The following PACRG variants were observed in gnomAD, a reference collection of about 807,000 sequenced individuals.
PACRG encodes the protein parkin coregulated, also known as parkin coregulated gene protein.
Under a neutral mutation model 29.7 loss-of-function variants are expected in PACRG, and 29 were observed. The observed-to-expected ratio is 0.98, with a 90% CI of 0.73 to 1.33. PACRG has a LOEUF of 1.33. Among genes scored for constraint, PACRG ranks in the 40% most tolerant of loss-of-function variants. The probability of loss-of-function intolerance (pLI) is 0.00; values close to 1 mark genes in which losing one functional copy is unlikely to be tolerated. For missense variants in PACRG, 279 were observed against 316.2 expected (o/e 0.88, Z 0.89); for synonymous variants, 116 against 118.7 (o/e 0.98, Z 0.15).
intron 4 of PACRG, among the ~76,000 whole-genome samples, chr6:163,146,131 T>TC (rs1420894538): frequency 1.3e-5 from 2 of 152,184 alleles, no homozygotes; most frequent in African/African-American, 4.8e-5. Context: ...TCATCACTCT[T>TC]CCGTTCTCCC....
chr6:163,099,955 C>A (rs1467413704), intron 4 of PACRG, among the ~76,000 whole-genome samples: 5 of 152,318 alleles, frequency 3.3e-5, no homozygotes, highest in African/African-American at 1.2e-4. Flanking sequence ...TCTCTCCCCG[C>A]CCAGCGCGGA....
intron 2 of PACRG, among the ~76,000 whole-genome samples, chr6:163,022,697 A>G (rs572954409): frequency 6.6e-6 from 1 of 152,254 alleles, no homozygotes; most frequent in Non-Finnish European, 1.5e-5. Context: ...TATGTGGATT[A>G]TTTGCCATTT....
chr6:163,048,296 G>A (rs1220382158), intron 2 of PACRG, among the ~76,000 whole-genome samples: 2 of 152,124 alleles, frequency 1.3e-5, no homozygotes, highest in African/African-American at 2.4e-5. Context: ...CATGAAGTAT[G>A]GGATCTGCTA....
At chr6:162,854,706 A>T (rs964978755) in intron 2 of PACRG, among the ~76,000 whole-genome samples, 46 of 152,318 alleles carry the variant, frequency 3.0e-4, no homozygotes, top group Non-Finnish European at 6.2e-4. Context: ...ACGGCTAGTT[A>T]TAAACCTTTC....
intron 2 of PACRG, among the ~76,000 whole-genome samples, chr6:163,035,812 C>CAAAAAAAA (rs1156795173): frequency 1.6e-5 from 1 of 64,230 alleles, no homozygotes; most frequent in Non-Finnish European, 3.0e-5. Flanking sequence ...GACTCTGTCT[C>CAAAAAAAA]AAAAAAAAAA....
intron 4 of PACRG, among the ~76,000 whole-genome samples, chr6:163,263,187 G>A (rs1167103083): frequency 6.7e-6 from 1 of 149,846 alleles, no homozygotes; most frequent in Non-Finnish European, 1.5e-5. Flanking sequence ...TTTCAAACCC[G>A]TTACTTGCGT....
At chr6:163,290,276 GCGCACACACACACACACA>G (rs776035902) in intron 4 of PACRG, among the ~76,000 whole-genome samples, 18,313 of 127,682 alleles carry the variant, frequency 0.14, 1,390 homozygotes, top group Non-Finnish European at 0.19. Flanking sequence ...ACGCGCGCGC[GCGCACACACACACACACA>G]CACACACACA....
intron 2 of PACRG, among the ~76,000 whole-genome samples, chr6:162,981,724 T>C (rs1802450022): frequency 1.3e-5 from 2 of 152,226 alleles, no homozygotes; most frequent in African/African-American, 4.8e-5. Flanking sequence ...CAGCAGTGTT[T>C]TGTAGTTTTC....
At chr6:163,162,748 C>G (rs1219920049) in intron 4 of PACRG, among the ~76,000 whole-genome samples, 7 of 152,222 alleles carry the variant, frequency 4.6e-5, no homozygotes. Context: ...AGGGCTGCAG[C>G]CAGGGTGAGG....
chr6:163,081,742 T>G (rs1813099396), intron 3 of PACRG, among the ~76,000 whole-genome samples: 1 of 151,802 alleles, frequency 6.6e-6, no homozygotes. Flanking sequence ...GGTGACAGAG[T>G]AAAACCCTGT....
At chr6:162,986,308 A>G (rs1802885333) in intron 2 of PACRG, among the ~76,000 whole-genome samples, 1 of 152,180 alleles carries the variant, frequency 6.6e-6, no homozygotes, top group Admixed American at 6.5e-5. Context: ...TTAACCTCAA[A>G]CTATACTATA....
intron 2 of PACRG, among the ~76,000 whole-genome samples, chr6:163,008,146 T>A (rs1026354405): frequency 6.6e-6 from 1 of 152,022 alleles, no homozygotes; most frequent in Non-Finnish European, 1.5e-5. Flanking sequence ...CCTTTTAGAG[T>A]CCAAGTTTTT....
chr6:162,755,866 G>GT (rs573068172), intron 1 of PACRG, among the ~76,000 whole-genome samples: 49 of 151,218 alleles, frequency 3.2e-4, no homozygotes, highest in African/African-American at 1.1e-3. Flanking sequence ...GTCACAAAAT[G>GT]TTTTTTTTTA....
chr6:163,052,768 A>G (rs1192752765), intron 2 of PACRG, among the ~76,000 whole-genome samples: 1 of 152,202 alleles, frequency 6.6e-6, no homozygotes, highest in Non-Finnish European at 1.5e-5. Context: ...ATGTTTCAAT[A>G]TAGTATCACT....
chr6:163,125,565 C>T (rs1230540771), intron 4 of PACRG, among the ~76,000 whole-genome samples: 2 of 152,134 alleles, frequency 1.3e-5, no homozygotes, highest in Non-Finnish European at 2.9e-5. Flanking sequence ...AAAAGACACA[C>T]AACTCAATAG....
At chr6:163,112,007 CT>C in intron 4 of PACRG, 2 of 927,806 alleles carry the variant, frequency 2.2e-6, no homozygotes, top group Non-Finnish European at 2.6e-6. Context: ...TAGGTTTTCA[CT>C]TGATTTGCTT....
chr6:163,041,842 A>G (rs189346729), intron 2 of PACRG, among the ~76,000 whole-genome samples: 1 of 152,282 alleles, frequency 6.6e-6, no homozygotes, highest in African/African-American at 2.4e-5. Context: ...GTCTTCACAG[A>G]CATGCAAACA....
chr6:162,779,712 A>C (rs1402826668), intron 1 of PACRG, among the ~76,000 whole-genome samples: 2 of 152,218 alleles, frequency 1.3e-5, no homozygotes, highest in African/African-American at 2.4e-5. Flanking sequence ...TTATTTGTGC[A>C]TGTCAATTCA....
intron 2 of PACRG, among the ~76,000 whole-genome samples, chr6:162,995,143 A>G (rs1249280670): frequency 4.0e-5 from 6 of 150,356 alleles, no homozygotes; most frequent in Non-Finnish European, 1.5e-5. Flanking sequence ...GCTCTCTTCA[A>G]AGCTGTCAGA....
Sources: gnomAD v4.1 joint callset for allele counts (sites outside exome capture counted in the v4.1 genomes callset) on GRCh38, gnomAD v4.1.1 for gene constraint, MANE v1.5 for transcripts, NCBI Gene and HGNC (gene_info 2026-07-23, HGNC 2026-07-21) for gene names.